The following GNAO1 variants were observed in gnomAD, a reference collection of about 807,000 sequenced individuals.
GNAO1 encodes the protein G protein subunit alpha o1.
For missense variants in GNAO1, 166 were observed against 478.7 expected, an observed-to-expected ratio of 0.35 and a Z score of 6.10; for synonymous variants, 164 against 180.7, an observed-to-expected ratio of 0.91 and a Z score of 0.74.
At position 56,311,073 on chromosome 16, in the gene GNAO1, G is replaced by A. The variant is rs549067663; in HGVS notation, c.304-17558G>A. Among the ~76,000 whole-genome samples, 6 of 152,118 alleles carry A rather than the reference G, an allele frequency of 3.9e-5. No homozygotes were observed. Among genetic ancestry groups the A allele is most frequent in the African/African-American group, 1.4e-4 (6 of 41,488 alleles). On this transcript the variant is annotated intron_variant, in intron 3 of 8. Transcript: ENST00000262493. This position sits in a 1 kb window ranked among gnomAD's most constrained non-coding sequence, Gnocchi z 5.2. The stretch of plus-strand genomic sequence containing the variant: ...GACCATGAGAGGGCTGAAATCCAGT[G>A]CACCTTCCCTTTTCTAAGCCTTACA...
At chr16:56,293,958 T>A (rs1263018354) in intron 3 of GNAO1, among the ~76,000 whole-genome samples, 2 of 152,212 alleles carry the variant, frequency 1.3e-5, no homozygotes, top group Non-Finnish European at 2.9e-5. Context: ...TATTTCATGC[T>A]TAGTAGGTGA....
chr16:56,271,493 G>A (rs750197352), intron 2 of GNAO1, among the ~76,000 whole-genome samples: 17 of 152,110 alleles, frequency 1.1e-4, no homozygotes, highest in Admixed American at 6.5e-4. Flanking sequence ...TCGCTCTGTC[G>A]CCCAGGCTGG....
intron 2 of GNAO1, among the ~76,000 whole-genome samples, chr16:56,239,529 T>C (rs1383130492): frequency 6.6e-6 from 1 of 152,214 alleles, no homozygotes; most frequent in African/African-American, 2.4e-5. Flanking sequence ...CCACAGGGAC[T>C]GACAAGGCAC....
chr16:56,233,394 G>A (rs2036609100), intron 2 of GNAO1, among the ~76,000 whole-genome samples: 1 of 152,218 alleles, frequency 6.6e-6, no homozygotes, highest in Non-Finnish European at 1.5e-5. Context: ...TCTATGTATG[G>A]AGAGCAATAC....
intron 2 of GNAO1, 174 bp downstream of exon 2, chr16:56,192,790 T>C: frequency 1.7e-6 from 1 of 598,676 alleles, no homozygotes; most frequent in Non-Finnish European, 3.0e-6. Flanking sequence ...CCTACGTTGG[T>C]TCTGGGTCCT....
chr16:56,200,038 C>A (rs1199943297), intron 2 of GNAO1, among the ~76,000 whole-genome samples: 1 of 152,184 alleles, frequency 6.6e-6, no homozygotes, highest in Non-Finnish European at 1.5e-5. Context: ...ACCTTGGATT[C>A]TCTGCCTGTG....
chr16:56,272,764 A>G (rs1424201750), intron 2 of GNAO1, among the ~76,000 whole-genome samples: 2 of 152,220 alleles, frequency 1.3e-5, no homozygotes. Context: ...GATCAAGTGC[A>G]TATAAAGATT....
At chr16:56,320,652 A>G (rs1453198996) in intron 3 of GNAO1, among the ~76,000 whole-genome samples, 3 of 152,168 alleles carry the variant, frequency 2.0e-5, no homozygotes, top group Admixed American at 1.3e-4. Context: ...GTTGGATTCC[A>G]TGGTGGGTTC....
chr16:56,331,029 A>C (rs1275687900), intron 4 of GNAO1, among the ~76,000 whole-genome samples: 1 of 152,220 alleles, frequency 6.6e-6, no homozygotes, highest in Non-Finnish European at 1.5e-5. Context: ...CTTCTGACAA[A>C]GTCTTGGGCC....
chr16:56,293,897 AG>A (rs758742226), intron 3 of GNAO1, among the ~76,000 whole-genome samples: 12 of 152,288 alleles, frequency 7.9e-5, no homozygotes, highest in Non-Finnish European at 1.5e-4. Context: ...ACATGAACAT[AG>A]GGTATAGGAA....
intron 2 of GNAO1, among the ~76,000 whole-genome samples, chr16:56,247,605 C>A (rs2036760942): frequency 6.7e-6 from 1 of 150,222 alleles, no homozygotes; most frequent in Non-Finnish European, 1.5e-5. Context: ...CATAATAGGT[C>A]CTCAACAAAT....
chr16:56,208,696 T>C (rs1234905866), intron 2 of GNAO1, among the ~76,000 whole-genome samples: 3 of 152,302 alleles, frequency 2.0e-5, no homozygotes, highest in Admixed American at 6.5e-5. Context: ...GTAGATCTCA[T>C]TGTGGTTTTA....
intron 2 of GNAO1, among the ~76,000 whole-genome samples, chr16:56,233,292 C>T (rs1360083938): frequency 6.6e-6 from 1 of 152,170 alleles, no homozygotes; most frequent in Non-Finnish European, 1.5e-5. Context: ...TATTTACATG[C>T]CCCAGTGTCT....
At chr16:56,306,031 A>G (rs759405226) in intron 3 of GNAO1, among the ~76,000 whole-genome samples, 1 of 152,216 alleles carries the variant, frequency 6.6e-6, no homozygotes, top group Admixed American at 6.5e-5. Flanking sequence ...TTCAGCTCCT[A>G]ACAGGGAGCT....
intron 2 of GNAO1, among the ~76,000 whole-genome samples, chr16:56,238,829 G>C (rs541299403): frequency 1.2e-4 from 18 of 152,178 alleles, no homozygotes; most frequent in Non-Finnish European, 2.2e-4. Flanking sequence ...CTATTACTCA[G>C]AGCGAATCAT....
chr16:56,236,567 A>G (rs2036638794), intron 2 of GNAO1, among the ~76,000 whole-genome samples: 1 of 152,212 alleles, frequency 6.6e-6, no homozygotes. Flanking sequence ...TACCAGTCTT[A>G]GGTCACCCTG....
intron 2 of GNAO1, among the ~76,000 whole-genome samples, chr16:56,239,693 G>A (rs1198316089): frequency 1.3e-5 from 2 of 152,188 alleles, no homozygotes; most frequent in Non-Finnish European, 2.9e-5. Context: ...AAGAATTTCT[G>A]TATTCAGAGC....
chr16:56,225,990 AC>A (rs2143382409), intron 2 of GNAO1, among the ~76,000 whole-genome samples: 1 of 152,032 alleles, frequency 6.6e-6, no homozygotes, highest in South Asian at 2.1e-4. Flanking sequence ...AGCAGAAGGA[AC>A]AGGAGTACAA....
intron 3 of GNAO1, among the ~76,000 whole-genome samples, chr16:56,320,835 G>A (rs2037564042): frequency 6.6e-6 from 1 of 152,298 alleles, no homozygotes; most frequent in Admixed American, 6.5e-5. Flanking sequence ...CTGTAACTGG[G>A]ACAGTGGTGG....
Sources: allele counts gnomAD v4.1 joint callset (sites outside exome capture counted in the v4.1 genomes callset), GRCh38; gene constraint gnomAD v4.1.1; non-coding constraint Gnocchi (gnomAD v3.1); transcripts MANE v1.5; gene names NCBI Gene and HGNC (gene_info 2026-07-23, HGNC 2026-07-21).